Variants in CDH9 observed in about 807,000 individuals in gnomAD.
CDH9 encodes cadherin-9.
CDH9 carries 28 observed loss-of-function variants against 70.9 expected under a neutral mutation model. That is an observed-to-expected ratio of 0.40 (90% CI 0.29 to 0.54). CDH9 has a LOEUF of 0.54. Among genes scored for constraint, CDH9 ranks in the 20% least tolerant of loss-of-function variants. The probability of loss-of-function intolerance (pLI) is 0.59; values close to 1 mark genes in which losing one functional copy is unlikely to be tolerated. For missense variants in CDH9, 874 were observed against 984.4 expected (o/e 0.89, Z 1.50); for synonymous variants, 409 against 343.1 (o/e 1.19, Z -2.12).
chr5:26,922,628 G>C (rs1741264674), intron 2 of CDH9, among the ~76,000 whole-genome samples: 1 of 151,816 alleles, frequency 6.6e-6, no homozygotes, highest in Admixed American at 6.6e-5. Context: ...AGATATTAAT[G>C]AGCAATAAGA....
chr5:26,986,347 AT>A (rs1729486787), intron 2 of CDH9, among the ~76,000 whole-genome samples: 1 of 152,232 alleles, frequency 6.6e-6, no homozygotes, highest in African/African-American at 2.4e-5. Context: ...AATGAAAAAA[AT>A]ATGAAAGGTA....
intron 1 of CDH9, among the ~76,000 whole-genome samples, chr5:27,034,885 A>G (rs1379716319): frequency 2.0e-5 from 3 of 151,572 alleles, no homozygotes; most frequent in East Asian, 3.9e-4. Flanking sequence ...TCCTCACTGT[A>G]CACTCCTTAC....
At position 27,032,581 on chromosome 5, in the gene CDH9, T is replaced by A. The variant is rs566545984; in HGVS notation, c.-50+5882A>T. ...AGTTGAACCTATTCCACTCCCTGCTTAATACATGTGTAAATGCTTTATTAA... is the reference window on the plus strand; with the variant it reads ...AGTTGAACCTATTCCACTCCCTGCTAAATACATGTGTAAATGCTTTATTAA... On this transcript the variant is annotated intron_variant, in intron 1 of 11. Coordinates refer to ENST00000231021, the MANE Select transcript of CDH9 (RefSeq NM_016279.4). Among the ~76,000 whole-genome samples the A allele has an allele frequency of 1.2e-3, 188 of 151,738 alleles. 1 individual carries two copies. Among genetic ancestry groups the A allele is most frequent in the Middle Eastern group, 3.4e-3 (1 of 294 alleles).
At chr5:26,990,098 C>A (rs920875880) in intron 1 of CDH9, among the ~76,000 whole-genome samples, 7 of 152,096 alleles carry the variant, frequency 4.6e-5, no homozygotes, top group Non-Finnish European at 7.4e-5. Flanking sequence ...GAAGAGTTAT[C>A]ACAGTGCTAG....
chr5:26,915,511 AGTT>A, intron 3 of CDH9, 116 bp downstream of exon 3: 2 of 626,818 alleles, frequency 3.2e-6, no homozygotes, highest in East Asian at 5.2e-5. Context: ...GCTAAATAGT[AGTT>A]AACAGTTATA....
At chr5:26,919,252 T>C (rs1005774323) in intron 2 of CDH9, among the ~76,000 whole-genome samples, 2 of 152,162 alleles carry the variant, frequency 1.3e-5, no homozygotes, top group Non-Finnish European at 1.5e-5. Flanking sequence ...AGTGAATCTA[T>C]GTGCTGGAGC....
At chr5:26,969,358 C>G (rs1742179470) in intron 2 of CDH9, among the ~76,000 whole-genome samples, 1 of 151,970 alleles carries the variant, frequency 6.6e-6, no homozygotes, top group Admixed American at 6.6e-5. Context: ...GTATTAAATT[C>G]CTTTATTTTA....
At chr5:26,986,209 A>G (rs1742485428) in intron 2 of CDH9, among the ~76,000 whole-genome samples, 2 of 152,098 alleles carry the variant, frequency 1.3e-5, no homozygotes, top group South Asian at 4.1e-4. Flanking sequence ...TATTTCCCCC[A>G]AACATCTGAT....
chr5:26,946,720 G>T (rs1449188014), intron 2 of CDH9, among the ~76,000 whole-genome samples: 34 of 152,108 alleles, frequency 2.2e-4, no homozygotes, highest in Admixed American at 2.2e-3. Context: ...AGAAAAAATT[G>T]GTAGCAGGCC....
intron 2 of CDH9, among the ~76,000 whole-genome samples, chr5:26,937,382 A>G (rs1458252958): frequency 6.6e-6 from 1 of 152,142 alleles, no homozygotes; most frequent in African/African-American, 2.4e-5. Context: ...GCCAGTAAGG[A>G]TTTGGAGCAA....
intron 11 of CDH9, 40 bp from the exon 12 acceptor site, chr5:26,881,663 T>C: frequency 6.4e-7 from 1 of 1,560,320 alleles, no homozygotes; most frequent in Non-Finnish European, 8.6e-7. Flanking sequence ...ATTTCATGAG[T>C]CAGGATAAAA....
rs1003051392 is a variant in CDH9 at position 26,926,065 on chromosome 5, C to G, written c.229-10141G>C. On this transcript the variant is annotated intron_variant, in intron 2 of 11. Transcript: ENST00000231021. ...GATGCCCTCTCTCACCATTCCTATT[C>G]AACGTAGTGTTGGAAGTTCTAGTCA... is the stretch of plus-strand genomic sequence containing the variant. Among the ~76,000 whole-genome samples, 3 of 152,124 alleles carry G rather than the reference C, an allele frequency of 2.0e-5. No individual in the cohort carries two copies. In the South Asian group the frequency reaches 6.2e-4, roughly 31 times the overall value.
At chr5:26,974,239 C>G (rs1001169838) in intron 2 of CDH9, among the ~76,000 whole-genome samples, 1 of 151,818 alleles carries the variant, frequency 6.6e-6, no homozygotes, top group Admixed American at 6.6e-5. Context: ...GAGACTCCAT[C>G]TAAAAAAATA....
At position 26,885,695 on chromosome 5, in the gene CDH9, T is replaced by C; in HGVS notation, c.1801A>G (p.Thr601Ala). 1.2e-6 allele frequency: 2 copies of C among 1,613,742 alleles called. No individual in the cohort carries two copies. The highest frequency in any genetic ancestry group is 1.7e-6 in the Non-Finnish European group (2 of 1,179,870). The change falls in exon 11 of 12, where the codon ACC becomes GCC. Residue 601 changes from threonine to alanine, a missense_variant. By Grantham distance (58) the Thr-to-Ala change is moderately conservative (BLOSUM62 0). Transcript: ENST00000231021. ...CDNQGNMQSCTAEALILSAGL... is the reference protein window; with the variant it reads ...CDNQGNMQSCAAEALILSAGL... Reference sequence around the variant, plus strand: ...GCTGAAAGGATCAGGGCTTCTGCGGTGCAGGATTGCATGTTTCCTTGATTA... The same window carrying C: ...GCTGAAAGGATCAGGGCTTCTGCGGCGCAGGATTGCATGTTTCCTTGATTA...
intron 2 of CDH9, among the ~76,000 whole-genome samples, chr5:26,951,392 A>G (rs1317684668): frequency 6.7e-6 from 1 of 149,124 alleles, no homozygotes; most frequent in East Asian, 2.0e-4. Context: ...AATGGTATTT[A>G]GTAGGAGGAG....
chr5:26,990,238 T>A lies in CDH9; in HGVS notation c.-49-1856A>T, dbSNP rs554535363. Among the ~76,000 whole-genome samples the A allele has an allele frequency of 1.8e-3, 267 of 152,232 alleles. 1 individual carries two copies. The highest frequency in any genetic ancestry group is 6.8e-3 in the Middle Eastern group (2 of 294). On this transcript the variant is annotated intron_variant, in intron 1 of 11. Coordinates refer to ENST00000231021, the MANE Select transcript of CDH9 (RefSeq NM_016279.4). Reference sequence around the variant, plus strand: ...GGGTCCAACTCAGCAGAAAGAAGAATGGTAATTGGCAGGTGGTATTATAGA... The same window carrying A: ...GGGTCCAACTCAGCAGAAAGAAGAAAGGTAATTGGCAGGTGGTATTATAGA...
At chr5:27,027,593 A>G (rs922390970) in intron 1 of CDH9, among the ~76,000 whole-genome samples, 1 of 152,040 alleles carries the variant, frequency 6.6e-6, no homozygotes, top group Non-Finnish European at 1.5e-5. Flanking sequence ...CTCACACATG[A>G]AGTATAGAGT....
chr5:26,898,343 CA>C (rs1304423362), intron 7 of CDH9, among the ~76,000 whole-genome samples: 1 of 151,928 alleles, frequency 6.6e-6, no homozygotes, highest in East Asian at 1.9e-4. Context: ...CATATGGAAC[CA>C]AAAAAGAGCC....
intron 6 of CDH9, 29 bp from the exon 7 acceptor site, chr5:26,902,758 G>A (rs973671787): frequency 2.2e-6 from 3 of 1,335,398 alleles, no homozygotes; most frequent in Non-Finnish European, 3.2e-6. Flanking sequence ...AAAGAAATTA[G>A]CATAATTCAG....
Sources: gnomAD v4.1 joint callset for allele counts (sites outside exome capture counted in the v4.1 genomes callset) on GRCh38, gnomAD v4.1.1 for gene constraint, MANE v1.5 for transcripts, NCBI Gene and HGNC (gene_info 2026-07-23, HGNC 2026-07-21) for gene names.